The following PARP8 variants were observed in gnomAD, a reference collection of about 807,000 sequenced individuals.
The protein encoded by PARP8 is poly(ADP-ribose) polymerase family member 8, also known as protein mono-ADP-ribosyltransferase PARP8.
Under a neutral mutation model 124.1 loss-of-function variants are expected in PARP8, and 51 were observed. The ratio of observed to expected loss-of-function variants is 0.41; its 90% CI spans 0.33 to 0.52. The LOEUF is 0.52. Among genes scored for constraint, PARP8 ranks in the 20% least tolerant of loss-of-function variants. PARP8 has a pLI of 0.21. For synonymous variants in PARP8, 391 were observed against 361.5 expected (o/e 1.08, Z -0.93); for missense variants, 860 against 1,018.9 (o/e 0.84, Z 2.12).
chr5:50,682,199 C>G (rs1751371035), intron 2 of PARP8, among the ~76,000 whole-genome samples: 1 of 151,954 alleles, frequency 6.6e-6, no homozygotes, highest in African/African-American at 2.4e-5. Flanking sequence ...ACTTGTTTTC[C>G]CAAGTATGAG....
At chr5:50,747,158 G>GTTTTTTTTTTTT (rs1370932889) in intron 2 of PARP8, among the ~76,000 whole-genome samples, 1 of 82,218 alleles carries the variant, frequency 1.2e-5, no homozygotes, top group Non-Finnish European at 2.5e-5. Context: ...TTGTTTGTTT[G>GTTTTTTTTTTTT]TTTTGTTTTT....
chr5:50,744,225 G>A (rs1758320138), intron 2 of PARP8, among the ~76,000 whole-genome samples: 1 of 152,132 alleles, frequency 6.6e-6, no homozygotes, highest in Non-Finnish European at 1.5e-5. Flanking sequence ...ACTTTTGAAA[G>A]ACTCTCCTTA....
At chr5:50,765,742 T>G (rs1760993337) in intron 7 of PARP8, among the ~76,000 whole-genome samples, 1 of 152,226 alleles carries the variant, frequency 6.6e-6, no homozygotes, top group Non-Finnish European at 1.5e-5. Context: ...AGGACTAGTT[T>G]GATTTACTTA....
intron 2 of PARP8, among the ~76,000 whole-genome samples, chr5:50,749,601 TAA>T (rs1469489402): frequency 1.3e-5 from 2 of 152,092 alleles, no homozygotes; most frequent in Non-Finnish European, 2.9e-5. Context: ...GAAAATAGAA[TAA>T]AGTTTATTTA....
At position 50,761,781 on chromosome 5, in the gene PARP8, A is replaced by C. The variant is rs746457993; in HGVS notation, c.346-40A>C. ...CTTGCTATTTTAGAAAGGTAAAATA[A>C]TTTGACCATTAAATTGTTTTCTTAC... On this transcript the variant is annotated intron_variant, in intron 5 of 25. Transcript: ENST00000281631. The C allele has an allele frequency of 1.2e-5, 16 of 1,313,492 alleles. No homozygotes were observed. The Middle Eastern group carries it at 8.1e-4, about 66-fold the overall frequency. 81.4% of individuals were successfully genotyped at this position (1,313,492 alleles called of 1,614,324 possible). A position where few individuals can be genotyped will look rare whatever the true frequency, so the allele number is the denominator to read the frequency against.
At position 50,795,412 on chromosome 5, in the gene PARP8, C is replaced by T. The variant is rs925218195; in HGVS notation, c.1423C>T (p.Leu475Phe). The T allele has an allele frequency of 3.2e-6, 5 of 1,583,570 alleles. No homozygotes were observed. In the African/African-American group the frequency reaches 4.1e-5, roughly 13 times the overall value. Residue 475 changes from leucine (L) to phenylalanine (F), a missense_variant, in exon 12 of 26, where the codon CTT becomes TTT. This residue lies in a region of PARP8 where 343 missense variants were observed against 474.7 expected (regional missense o/e 0.72). Transcript: ENST00000281631. ...ACCATCTTCATCTTCATCTTCTCAG[C>T]TTGCTGTGCGTAAATATTTTCATCT... ...LTPSSSSSSQLAPNGAKCIPV... is the reference protein window; with the variant it reads ...LTPSSSSSSQFAPNGAKCIPV...
At chr5:50,709,210 C>T (rs796639280) in intron 2 of PARP8, among the ~76,000 whole-genome samples, 37 of 152,000 alleles carry the variant, frequency 2.4e-4, no homozygotes, top group African/African-American at 8.0e-4. Context: ...TTCATATTTC[C>T]CACCTCTTCA....
intron 2 of PARP8, among the ~76,000 whole-genome samples, chr5:50,730,226 A>G (rs952431858): frequency 6.6e-6 from 1 of 151,966 alleles, no homozygotes; most frequent in African/African-American, 2.4e-5. Context: ...AATCTGTATA[A>G]TTTTATAAAT....
intron 2 of PARP8, among the ~76,000 whole-genome samples, chr5:50,673,310 C>T (rs886410602): frequency 6.6e-6 from 1 of 152,146 alleles, no homozygotes; most frequent in Non-Finnish European, 1.5e-5. Flanking sequence ...TTTAAAACCA[C>T]TGACCTAAAA....
At chr5:50,774,521 G>GAT (rs1761965903) in intron 7 of PARP8, among the ~76,000 whole-genome samples, 1 of 127,074 alleles carries the variant, frequency 7.9e-6, no homozygotes, top group African/African-American at 3.1e-5. Flanking sequence ...CTTCCCAGAC[G>GAT]GGGTGGCCGG....
rs576768647 is a variant in PARP8, at chr5:50,680,508, C to T, written c.146+12383C>T. Among the ~76,000 whole-genome samples, 56 of 152,206 alleles carry T rather than the reference C, an allele frequency of 3.7e-4. No individual in the cohort carries two copies. In the South Asian group the frequency reaches 0.011, roughly 31 times the overall value. Reference sequence around the variant, plus strand: ...CAAATCTCCAATTTTTCTAGAGTAACTGTTAACACAGTTAAAATCTGCAGG... The same window carrying T: ...CAAATCTCCAATTTTTCTAGAGTAATTGTTAACACAGTTAAAATCTGCAGG... On this transcript the variant is annotated intron_variant, in intron 2 of 25. Coordinates refer to ENST00000281631, the MANE Select transcript of PARP8 (RefSeq NM_024615.4).
intron 2 of PARP8, among the ~76,000 whole-genome samples, chr5:50,687,692 C>T (rs529094664): frequency 1.3e-5 from 2 of 152,138 alleles, no homozygotes; most frequent in Non-Finnish European, 2.9e-5. Flanking sequence ...GAGTAAGTCA[C>T]ATCTTACATA....
intron 14 of PARP8, among the ~76,000 whole-genome samples, chr5:50,804,700 A>T (rs1743625611): frequency 6.6e-6 from 1 of 152,160 alleles, no homozygotes; most frequent in African/African-American, 2.4e-5. Flanking sequence ...TAATGTTAAC[A>T]TTGTTCTAGA....
At chr5:50,693,523 G>C (rs537866304) in intron 2 of PARP8, among the ~76,000 whole-genome samples, 1 of 152,110 alleles carries the variant, frequency 6.6e-6, no homozygotes, top group Admixed American at 6.5e-5. Flanking sequence ...TGTCTACATT[G>C]CCCATGATTT....
intron 7 of PARP8, among the ~76,000 whole-genome samples, chr5:50,768,322 A>G (rs752083693): frequency 5.3e-5 from 8 of 152,088 alleles, no homozygotes; most frequent in Non-Finnish European, 1.2e-4. Context: ...GTCCATATTC[A>G]TTGAAAAAAA....
intron 14 of PARP8, among the ~76,000 whole-genome samples, chr5:50,811,742 C>T (rs1162764314): frequency 2.6e-5 from 4 of 152,122 alleles, no homozygotes; most frequent in Non-Finnish European, 5.9e-5. Flanking sequence ...CTCCCCCATC[C>T]TCCACCCTGC....
intron 5 of PARP8, among the ~76,000 whole-genome samples, 187 bp from the exon 6 acceptor site, chr5:50,761,634 C>T (rs1760555158): frequency 6.6e-6 from 1 of 152,014 alleles, no homozygotes; most frequent in Non-Finnish European, 1.5e-5. Context: ...AACAGGTGTG[C>T]TGCTGAATAC....
At chr5:50,731,076 T>C (rs1756932700) in intron 2 of PARP8, among the ~76,000 whole-genome samples, 1 of 152,204 alleles carries the variant, frequency 6.6e-6, no homozygotes, top group Non-Finnish European at 1.5e-5. Flanking sequence ...CTGAGTGACT[T>C]AGAGGAAATG....
intron 7 of PARP8, among the ~76,000 whole-genome samples, chr5:50,776,610 T>C (rs1000467624): frequency 3.3e-5 from 5 of 152,186 alleles, no homozygotes; most frequent in African/African-American, 1.2e-4. Flanking sequence ...GCTCAATGTT[T>C]TAATGTATTT....
Sources: gnomAD v4.1 joint callset for allele counts (sites outside exome capture counted in the v4.1 genomes callset) on GRCh38, gnomAD v4.1.1 for gene constraint, gnomAD v4.1.1 regional missense constraint, MANE v1.5 for transcripts, NCBI Gene and HGNC (gene_info 2026-07-23, HGNC 2026-07-21) for gene names.